Variants in SLC8A1 observed in about 807,000 individuals in gnomAD.
SLC8A1 encodes solute carrier family 8 member A1.
In SLC8A1, 18 loss-of-function variants were observed where a neutral mutation model predicts 68.3. That is an observed-to-expected ratio of 0.26 (90% CI 0.18 to 0.39). The LOEUF (loss-of-function observed/expected upper bound fraction) is 0.39, where lower values mean the gene tolerates loss of function less well. Among genes scored for constraint, SLC8A1 ranks in the 10% least tolerant of loss-of-function variants. The pLI is 1.00. For missense variants in SLC8A1, 985 were observed against 1,156.7 expected, an observed-to-expected ratio of 0.85 and a Z score of 2.15; for synonymous variants, 475 against 415.5, an observed-to-expected ratio of 1.14 and a Z score of -1.74.
At chr2:40,131,797 CTT>C (rs2039388100) in intron 7 of SLC8A1, among the ~76,000 whole-genome samples, 1 of 145,540 alleles carries the variant, frequency 6.9e-6, no homozygotes, top group African/African-American at 2.5e-5. Context: ...CCAAATCTCT[CTT>C]TGTGTTCAGA....
At chr2:40,183,922 G>A (rs2050122618) in intron 2 of SLC8A1, among the ~76,000 whole-genome samples, 3 of 152,136 alleles carry the variant, frequency 2.0e-5, no homozygotes, top group East Asian at 1.9e-4. Flanking sequence ...TTGAGAGATC[G>A]AGGTGGGAGG....
At chr2:40,220,329 G>C (rs2058137011) in intron 2 of SLC8A1, 1 of 152,098 alleles carries the variant, frequency 6.6e-6, no homozygotes, top group African/African-American at 2.4e-5. Context: ...TCTCTGACTT[G>C]GCTCTTTCAC....
chr2:40,336,118 C>T (rs1206507381), intron 2 of SLC8A1, among the ~76,000 whole-genome samples: 1 of 152,156 alleles, frequency 6.6e-6, no homozygotes, highest in African/African-American at 2.4e-5. Flanking sequence ...AATGGCTGTT[C>T]TCTACAATGC....
intron 2 of SLC8A1, among the ~76,000 whole-genome samples, chr2:40,393,966 T>C (rs144770351): frequency 1.3e-5 from 2 of 152,196 alleles, no homozygotes; most frequent in East Asian, 3.9e-4. Flanking sequence ...AACCAGTAGC[T>C]CTAAACCAGT....
At chr2:40,472,650 G>A (rs2149903925) in intron 1 of SLC8A1, among the ~76,000 whole-genome samples, 1 of 152,154 alleles carries the variant, frequency 6.6e-6, no homozygotes, top group African/African-American at 2.4e-5. Context: ...TTATTGGTGG[G>A]AACTACCATG....
intron 2 of SLC8A1, among the ~76,000 whole-genome samples, chr2:40,207,355 C>T (rs147289404): frequency 1.6e-3 from 244 of 152,058 alleles, no homozygotes; most frequent in African/African-American, 5.7e-3. Flanking sequence ...GAACAATGCC[C>T]TTAGGGAGAA....
At chr2:40,470,350 A>G (rs1703930745) in intron 1 of SLC8A1, among the ~76,000 whole-genome samples, 1 of 152,108 alleles carries the variant, frequency 6.6e-6, no homozygotes, top group Non-Finnish European at 1.5e-5. Context: ...AATTATCCTA[A>G]GAAAATAATT....
intron 2 of SLC8A1, among the ~76,000 whole-genome samples, chr2:40,210,860 G>C (rs1295079882): frequency 6.6e-6 from 1 of 152,004 alleles, no homozygotes; most frequent in Admixed American, 6.6e-5. Context: ...TTACCTTTTT[G>C]TCATGTACAG....
intron 2 of SLC8A1, among the ~76,000 whole-genome samples, chr2:40,349,387 G>A (rs13031441): frequency 0.26 from 39,055 of 152,036 alleles, 6,519 homozygotes; most frequent in East Asian, 0.62. Flanking sequence ...GGATTTCTGT[G>A]GAAAATGTTA....
chr2:40,260,069 T>C (rs753642851), intron 2 of SLC8A1, among the ~76,000 whole-genome samples: 2 of 152,228 alleles, frequency 1.3e-5, no homozygotes. Context: ...TTTAAATATA[T>C]TGCAACCTAA....
At chr2:40,234,035 T>C (rs2060032996) in intron 2 of SLC8A1, among the ~76,000 whole-genome samples, 1 of 152,268 alleles carries the variant, frequency 6.6e-6, no homozygotes, top group African/African-American at 2.4e-5. Context: ...GGTAGCGTGA[T>C]GCCTCCAGCT....
At chr2:40,391,277 CTT>C (rs1408721554) in intron 2 of SLC8A1, among the ~76,000 whole-genome samples, 2 of 151,536 alleles carry the variant, frequency 1.3e-5, no homozygotes, top group African/African-American at 4.9e-5. Context: ...GGGAGAAAGA[CTT>C]TGAAGAAAAG....
At chr2:40,288,436 G>C (rs752592663) in intron 2 of SLC8A1, among the ~76,000 whole-genome samples, 1 of 152,126 alleles carries the variant, frequency 6.6e-6, no homozygotes, top group Non-Finnish European at 1.5e-5. Flanking sequence ...AACCTCATCA[G>C]TGTGAGATAT....
chr2:40,400,366 A>G (rs1316094841), intron 2 of SLC8A1, among the ~76,000 whole-genome samples: 1 of 152,124 alleles, frequency 6.6e-6, no homozygotes, highest in African/African-American at 2.4e-5. Flanking sequence ...TGAAGGGAAG[A>G]CTCACCCAGG....
In SLC8A1 at chr2:40,485,099, T is replaced by G. The variant is rs911897314; in HGVS notation, c.-25+27250A>C. Among the ~76,000 whole-genome samples the G allele has an allele frequency of 3.9e-5, 6 of 152,242 alleles. No individual in the cohort carries two copies. The South Asian group carries it at 6.2e-4, about 16-fold the overall frequency. On this transcript the variant is annotated intron_variant, in intron 1 of 7. Coordinates refer to the SLC8A1 transcript ENST00000402441. ...TTCCCTTCCCCAGCCACATTCAATC[T>G]GCTTGGATTAGCAAAAATAGAGGAG...
intron 2 of SLC8A1, 93 bp downstream of exon 2, chr2:40,428,380 T>C (rs1697414355): frequency 8.5e-6 from 12 of 1,416,274 alleles, no homozygotes; most frequent in Middle Eastern, 1.9e-4. Context: ...TGCTATTTAA[T>C]TTAAAAAATG....
intron 1 of SLC8A1, among the ~76,000 whole-genome samples, chr2:40,435,129 T>A (rs1699138499): frequency 6.6e-6 from 1 of 152,196 alleles, no homozygotes; most frequent in Non-Finnish European, 1.5e-5. Flanking sequence ...CAGCTGGGGT[T>A]ATTCCAAGGA....
exon 8 of SLC8A1, chr2:40,110,122 A>G (rs534385728): frequency 4.6e-5 from 7 of 152,188 alleles, no homozygotes; most frequent in African/African-American, 1.7e-4. Flanking sequence ...AATACGTACC[A>G]TTTCTTGTGG....
intron 2 of SLC8A1, among the ~76,000 whole-genome samples, chr2:40,245,999 A>T (rs2061817538): frequency 6.6e-6 from 1 of 152,230 alleles, no homozygotes; most frequent in Non-Finnish European, 1.5e-5. Flanking sequence ...GAGACCTATG[A>T]TGTTAATCAT....
Sources: allele counts gnomAD v4.1 joint callset (sites outside exome capture counted in the v4.1 genomes callset), GRCh38; gene constraint gnomAD v4.1.1; transcripts MANE v1.5; gene names NCBI Gene and HGNC (gene_info 2026-07-23, HGNC 2026-07-21).